Variants in ENOX1 observed in about 807,000 individuals in gnomAD.
The protein encoded by ENOX1 is ecto-NOX disulfide-thiol exchanger 1, also known as candidate growth-related and time keeping constitutive hydroquinone (NADH) oxidase.
A neutral mutation model predicts 82.5 loss-of-function variants in ENOX1; 42 were observed. That is an observed-to-expected ratio of 0.51 (90% CI 0.40 to 0.66). The LOEUF (loss-of-function observed/expected upper bound fraction) is 0.66. Ranked by LOEUF, ENOX1 falls within the 30% of genes least tolerant of loss-of-function variation. The pLI, the probability that ENOX1 is intolerant of heterozygous loss-of-function variation, is 0.00. For missense variants in ENOX1, 608 were observed against 811.6 expected, an observed-to-expected ratio of 0.75 and a Z score of 3.05; for synonymous variants, 271 against 282.2, an observed-to-expected ratio of 0.96 and a Z score of 0.40.
intron 11 of ENOX1, among the ~76,000 whole-genome samples, chr13:43,305,763 A>G (rs528340285): frequency 6.6e-6 from 1 of 152,354 alleles, no homozygotes; most frequent in South Asian, 2.1e-4. Flanking sequence ...TAAGCAAAGG[A>G]AAGAGACATG....
At chr13:43,614,971 A>T (rs1408573709) in intron 2 of ENOX1, among the ~76,000 whole-genome samples, 1 of 152,182 alleles carries the variant, frequency 6.6e-6, no homozygotes, top group African/African-American at 2.4e-5. Context: ...AATGTACATT[A>T]AAGTTTGAGG....
intron 3 of ENOX1, among the ~76,000 whole-genome samples, chr13:43,418,344 G>A (rs951581829): frequency 4.6e-5 from 7 of 152,118 alleles, no homozygotes; most frequent in African/African-American, 1.7e-4. Context: ...CCTGGCCAAC[G>A]TGGTGAAACC....
At chr13:43,557,884 G>A (rs1416903953) in intron 2 of ENOX1, among the ~76,000 whole-genome samples, 1 of 152,134 alleles carries the variant, frequency 6.6e-6, no homozygotes, top group Non-Finnish European at 1.5e-5. Context: ...AAAGATATAC[G>A]AAGATTTGTT....
intron 15 of ENOX1, among the ~76,000 whole-genome samples, chr13:43,224,973 A>G (rs1338886884): frequency 6.6e-6 from 1 of 152,234 alleles, no homozygotes; most frequent in African/African-American, 2.4e-5. Context: ...CTTTTTGTTA[A>G]GAAGTTGTGC....
chr13:43,546,430 G>A (rs1299224775), intron 2 of ENOX1: 1 of 152,462 alleles, frequency 6.6e-6, no homozygotes, highest in Non-Finnish European at 1.5e-5. Context: ...GCACGTGCAT[G>A]AGAAGAGGTC....
chr13:43,435,803 A>G (rs56098855), intron 3 of ENOX1, among the ~76,000 whole-genome samples: 1,590 of 152,314 alleles, frequency 0.01, 32 homozygotes, highest in African/African-American at 0.037. Flanking sequence ...TGTTGAAACA[A>G]ATAATATTAA....
rs1424242581 is a variant in ENOX1 at position 43,506,695 on chromosome 13, A to G, written c.-218-22543T>C. Among the ~76,000 whole-genome samples, 2 of 134,804 alleles carry G rather than the reference A, an allele frequency of 1.5e-5. 1 individual carries two copies. The highest frequency in any genetic ancestry group is 3.4e-5 in the Non-Finnish European group (2 of 59,440). 88.4% of individuals were successfully genotyped at this position (134,804 alleles called of 152,430 possible). A position where few individuals can be genotyped will look rare whatever the true frequency, so the allele number is the denominator to read the frequency against. On this transcript the variant is annotated intron_variant, in intron 2 of 16. Coordinates refer to ENST00000690772, the MANE Select transcript of ENOX1 (RefSeq NM_001347969.2). ...GTTCATGTCCTTTGTAGGGACATGG[A>G]TGAAGCTGGAAACCATCATTCTCAG...
chr13:43,603,823 T>C (rs921519373), intron 2 of ENOX1, among the ~76,000 whole-genome samples: 3 of 111,928 alleles, frequency 2.7e-5, no homozygotes, highest in Non-Finnish European at 3.4e-5. Context: ...GTCTTTGCTA[T>C]TGTGAATAAT....
At chr13:43,627,009 A>C (rs2082992341) in intron 2 of ENOX1, among the ~76,000 whole-genome samples, 1 of 150,886 alleles carries the variant, frequency 6.6e-6, no homozygotes, top group African/African-American at 2.5e-5. Context: ...ATATCTTCCT[A>C]GTAGATTGAC....
rs532803557 is a variant in ENOX1, at chr13:43,302,675, A to G, written c.1262-4145T>C. 9.8e-5 allele frequency among the ~76,000 whole-genome samples: 15 copies of G among 152,296 alleles called. 1 individual carries two copies. Among genetic ancestry groups the G allele is most frequent in the Admixed American group, 9.8e-4 (15 of 15,298 alleles). On this transcript the variant is annotated intron_variant, in intron 11 of 16. Transcript: ENST00000690772. ...GCGGCATCTTGTTATATTCTTTACT[A>G]GATTCTATATAAACCATTATTCTTT...
chr13:43,513,023 T>C (rs1193611849), intron 2 of ENOX1, among the ~76,000 whole-genome samples: 1 of 152,054 alleles, frequency 6.6e-6, no homozygotes, highest in Non-Finnish European at 1.5e-5. Context: ...TAATCATAAT[T>C]TGTGGCTGGG....
chr13:43,550,829 A>G (rs1041023758), intron 2 of ENOX1, among the ~76,000 whole-genome samples: 7 of 152,200 alleles, frequency 4.6e-5, no homozygotes, highest in African/African-American at 1.7e-4. Context: ...AGAATCAATC[A>G]TCTCTAGCCA....
intron 16 of ENOX1, among the ~76,000 whole-genome samples, chr13:43,214,663 C>A (rs1463028087): frequency 6.6e-6 from 1 of 152,144 alleles, no homozygotes; most frequent in Non-Finnish European, 1.5e-5. Context: ...CAATACAAGT[C>A]TTGATATCTA....
intron 8 of ENOX1, among the ~76,000 whole-genome samples, chr13:43,347,432 T>C (rs1320300133): frequency 6.6e-6 from 1 of 152,216 alleles, no homozygotes; most frequent in Admixed American, 6.5e-5. Flanking sequence ...GGCCGATATA[T>C]GATTGATGTA....
intron 1 of ENOX1, among the ~76,000 whole-genome samples, chr13:43,784,964 G>C (rs976118659): frequency 6.6e-6 from 1 of 152,122 alleles, no homozygotes; most frequent in Admixed American, 6.5e-5. Context: ...TTCTTCAAAG[G>C]CTCTAAATAA....
chr13:43,318,852 AAT>A (rs2047656709), intron 11 of ENOX1, among the ~76,000 whole-genome samples: 1 of 152,220 alleles, frequency 6.6e-6, no homozygotes. Context: ...TAACTCTCAC[AAT>A]ACTAAAACGT....
intron 2 of ENOX1, among the ~76,000 whole-genome samples, chr13:43,590,108 G>A (rs1473805685): frequency 1.3e-5 from 2 of 151,918 alleles, no homozygotes; most frequent in Non-Finnish European, 2.9e-5. Context: ...GAATAAATGA[G>A]AGGAAAAATT....
rs73477970 is a variant in ENOX1 at position 43,619,060 on chromosome 13, A to T, written c.-219+48419T>A. The stretch of plus-strand genomic sequence containing the variant: ...TTTCTAGCCACTGTTGGTGTATGGA[A>T]GAACTACTGATTTGTGTATATTAAT... On this transcript the variant is annotated intron_variant, in intron 2 of 16. Coordinates refer to ENST00000690772, the MANE Select transcript of ENOX1 (RefSeq NM_001347969.2). 8.9e-3 allele frequency among the ~76,000 whole-genome samples: 1,338 copies of T among 150,776 alleles called. 26 individuals carry two copies. The highest frequency in any genetic ancestry group is 0.031 in the African/African-American group (1,279 of 40,742).
intron 3 of ENOX1, among the ~76,000 whole-genome samples, chr13:43,472,447 C>A (rs2058109387): frequency 6.6e-6 from 1 of 152,126 alleles, no homozygotes; most frequent in African/African-American, 2.4e-5. Context: ...ATTTAAAAAA[C>A]CCCATAAGGC....
Sources: allele counts gnomAD v4.1 joint callset (sites outside exome capture counted in the v4.1 genomes callset), GRCh38; gene constraint gnomAD v4.1.1; transcripts MANE v1.5; gene names NCBI Gene and HGNC (gene_info 2026-07-23, HGNC 2026-07-21).